Variants in CDH18 observed in about 807,000 individuals in gnomAD.
The protein encoded by CDH18 is cadherin 18.
A neutral mutation model predicts 67.9 loss-of-function variants in CDH18; 31 were observed. The ratio of observed to expected loss-of-function variants is 0.46; its 90% confidence interval spans 0.34 to 0.62. The LOEUF (loss-of-function observed/expected upper bound fraction) is 0.62. Among genes scored for constraint, CDH18 ranks in the 20% least tolerant of loss-of-function variants. The probability of loss-of-function intolerance (pLI) is 0.01; values close to 1 mark genes in which losing one functional copy is unlikely to be tolerated. For synonymous variants in CDH18, 362 were observed against 347.2 expected (o/e 1.04, Z -0.48); for missense variants, 890 against 975.5 (o/e 0.91, Z 1.17).
At chr5:19,799,455 CA>C (rs1777209888) in intron 3 of CDH18, among the ~76,000 whole-genome samples, 1 of 151,700 alleles carries the variant, frequency 6.6e-6, no homozygotes, top group Non-Finnish European at 1.5e-5. Flanking sequence ...CACACACACA[CA>C]CACACACACA....
chr5:20,373,642 TATAAATAA>T (rs34470344), intron 1 of CDH18, among the ~76,000 whole-genome samples: 43 of 150,470 alleles, frequency 2.9e-4, no homozygotes, highest in East Asian at 1.8e-3. Context: ...GAAAAATAAA[TATAAATAA>T]ATAAATAAAT....
At chr5:20,535,130 C>T (rs1264593535) in intron 1 of CDH18, among the ~76,000 whole-genome samples, 1 of 152,090 alleles carries the variant, frequency 6.6e-6, no homozygotes, top group African/African-American at 2.4e-5. Context: ...GGTTATATTA[C>T]TCTATCTCTA....
intron 2 of CDH18, among the ~76,000 whole-genome samples, chr5:20,007,051 A>C (rs2150409486): frequency 6.6e-6 from 1 of 152,082 alleles, no homozygotes; most frequent in Non-Finnish European, 1.5e-5. Context: ...AAATTGATTC[A>C]CTGGAAGTAC....
At chr5:19,602,771 C>A (rs2150071587) in intron 6 of CDH18, among the ~76,000 whole-genome samples, 1 of 152,134 alleles carries the variant, frequency 6.6e-6, no homozygotes, top group Middle Eastern at 3.4e-3. Flanking sequence ...CAAGATCAGC[C>A]TGGCCAACAT....
chr5:19,916,088 AC>A (rs1279015061), intron 2 of CDH18, among the ~76,000 whole-genome samples: 1 of 152,028 alleles, frequency 6.6e-6, no homozygotes, highest in Non-Finnish European at 1.5e-5. Flanking sequence ...TTCTGCTTTC[AC>A]CTTGTCCCCT....
intron 2 of CDH18, among the ~76,000 whole-genome samples, chr5:19,902,542 A>G (rs1790052303): frequency 6.6e-6 from 1 of 152,154 alleles, no homozygotes; most frequent in Admixed American, 6.5e-5. Flanking sequence ...TTGGAAGTGG[A>G]TACTCTAGCC....
intron 3 of CDH18, among the ~76,000 whole-genome samples, chr5:19,763,551 T>A (rs528721685): frequency 6.6e-6 from 1 of 152,306 alleles, no homozygotes; most frequent in East Asian, 1.9e-4. Context: ...AATGTGATAT[T>A]TTTTGTTGAA....
chr5:20,567,550 T>G (rs1180551023), intron 1 of CDH18, among the ~76,000 whole-genome samples: 1 of 152,170 alleles, frequency 6.6e-6, no homozygotes, highest in Non-Finnish European at 1.5e-5. Flanking sequence ...AAGCAAATGC[T>G]TCCGGAATTG....
chr5:19,634,033 A>G (rs765894037), intron 5 of CDH18, among the ~76,000 whole-genome samples: 10 of 152,202 alleles, frequency 6.6e-5, no homozygotes, highest in Non-Finnish European at 1.5e-4. Context: ...AACATTGGCC[A>G]TCTAATATCC....
At chr5:20,015,925 CAG>C (rs1402752689) in intron 2 of CDH18, among the ~76,000 whole-genome samples, 3 of 151,988 alleles carry the variant, frequency 2.0e-5, no homozygotes, top group South Asian at 4.1e-4. Context: ...ACGCAGATAA[CAG>C]GGGAAACATC....
intron 3 of CDH18, among the ~76,000 whole-genome samples, chr5:19,833,524 C>A (rs531780230): frequency 3.9e-5 from 6 of 152,204 alleles, no homozygotes; most frequent in African/African-American, 1.4e-4. Flanking sequence ...CTTTCTCTTG[C>A]CTGATTGCCC....
chr5:20,123,886 C>CAAAAA (rs11292634), intron 2 of CDH18, among the ~76,000 whole-genome samples: 5 of 87,236 alleles, frequency 5.7e-5, no homozygotes, highest in Admixed American at 1.3e-4. Context: ...GACTCCGTCT[C>CAAAAA]AAAAAAAAAA....
intron 2 of CDH18, among the ~76,000 whole-genome samples, chr5:19,855,903 G>A (rs1051617024): frequency 3.3e-5 from 5 of 152,076 alleles, no homozygotes; most frequent in Admixed American, 2.0e-4. Flanking sequence ...TTTCAAGGTG[G>A]TTTTTAGAAA....
At chr5:20,563,233 T>C (rs1235089324) in intron 1 of CDH18, among the ~76,000 whole-genome samples, 1 of 152,018 alleles carries the variant, frequency 6.6e-6, no homozygotes, top group Non-Finnish European at 1.5e-5. Flanking sequence ...AAAAGTATAT[T>C]GGTGTCAACG....
chr5:20,365,487 C>A (rs1742439313), intron 1 of CDH18, among the ~76,000 whole-genome samples: 1 of 152,138 alleles, frequency 6.6e-6, no homozygotes, highest in South Asian at 2.1e-4. Context: ...TTTAGACACA[C>A]TGTTTTCTTC....
At chr5:20,546,398 T>C (rs561906535) in intron 1 of CDH18, among the ~76,000 whole-genome samples, 37 of 117,672 alleles carry the variant, frequency 3.1e-4, no homozygotes, top group Non-Finnish European at 5.8e-4. Context: ...TTCACACTAC[T>C]ATAAAAAAAA....
intron 2 of CDH18, among the ~76,000 whole-genome samples, chr5:20,130,632 T>C (rs1235499389): frequency 1.3e-5 from 2 of 152,130 alleles, no homozygotes; most frequent in African/African-American, 2.4e-5. Flanking sequence ...ATTTTAATAA[T>C]TGAGAGACAT....
intron 11 of CDH18, among the ~76,000 whole-genome samples, chr5:19,497,066 C>A (rs1003032850): frequency 6.6e-6 from 1 of 151,816 alleles, no homozygotes; most frequent in South Asian, 2.1e-4. Flanking sequence ...ATAAAAAATT[C>A]TCTATATATC....
intron 2 of CDH18, among the ~76,000 whole-genome samples, chr5:20,160,663 C>A (rs1751903909): frequency 6.6e-6 from 1 of 151,890 alleles, no homozygotes; most frequent in African/African-American, 2.4e-5. Flanking sequence ...AGAAAGAAGG[C>A]CCAAATAGAA....
Sources: gnomAD v4.1 joint callset for allele counts (sites outside exome capture counted in the v4.1 genomes callset) on GRCh38, gnomAD v4.1.1 for gene constraint, MANE v1.5 for transcripts, NCBI Gene and HGNC (gene_info 2026-07-23, HGNC 2026-07-21) for gene names.